Variants in USF2 observed in about 807,000 individuals in gnomAD.
USF2 encodes upstream transcription factor 2, c-fos interacting.
USF2 carries 16 observed loss-of-function variants against 46.9 expected under a neutral mutation model. That is an observed-to-expected ratio of 0.34 (90% confidence interval 0.23 to 0.52). The LOEUF (loss-of-function observed/expected upper bound fraction) is 0.52. Among genes scored for constraint, USF2 ranks in the 20% least tolerant of loss-of-function variants. The pLI, the probability that USF2 is intolerant of heterozygous loss-of-function variation, is 0.96. For missense variants in USF2, 411 were observed against 474.0 expected (o/e 0.87, Z 1.23); for synonymous variants, 239 against 194.1 (o/e 1.23, Z -1.92).
chr19:35,275,536 C>T (rs2066221871), intron 7 of USF2: 1 of 150,540 alleles, frequency 6.6e-6, no homozygotes, highest in Non-Finnish European at 1.5e-5. Context: ...CTTTGCTTAA[C>T]AACATTTAGA....
intron 7 of USF2, chr19:35,275,751 A>G (rs971030419): frequency 5.9e-5 from 9 of 152,040 alleles, no homozygotes; most frequent in African/African-American, 2.2e-4. Context: ...TAGTTCTGTT[A>G]TGGTCAGAGA....
At position 35,269,470 on chromosome 19, in the gene USF2, G is replaced by T. The variant is rs200773644; in HGVS notation, c.87G>T (p.Glu29Asp). The T allele has an allele frequency of 3.7e-4, 569 of 1,550,580 alleles. 1 individual carries two copies. Among genetic ancestry groups the T allele is most frequent in the Non-Finnish European group, 4.7e-4 (547 of 1,156,464 alleles). Residue 29 changes from glutamate (E) to aspartate (D), a missense_variant, in exon 2 of 10, where the codon GAG becomes GAT. This residue lies in a region of USF2 where 318 missense variants were observed against 322.4 expected (regional missense o/e 0.99). Coordinates refer to ENST00000222305, the MANE Select transcript of USF2 (RefSeq NM_003367.4). The stretch of plus-strand genomic sequence containing the variant: ...GCCACGACAAGGGACCCGAGGCGGA[G>T]GAGGGCGTCGAGCTGCAGGAAGGTG... ...AASHDKGPEA[E>D]EGVELQEGGD...
chr19:35,270,059 G>T, intron 4 of USF2, 56 bp downstream of exon 4: 1 of 1,349,930 alleles, frequency 7.4e-7, no homozygotes, highest in East Asian at 3.0e-5. Context: ...GGGGACACTG[G>T]CTCTGCTCTT....
At position 35,270,488 on chromosome 19, in the gene USF2, G is replaced by A. The variant is rs779738307; in HGVS notation, c.471G>A (p.Ala157=). The change falls in exon 5 of 10, where the codon GCG becomes GCA. Residue 157 remains alanine, a synonymous_variant. Transcript: ENST00000222305. Reference sequence around the variant, plus strand: ...CCTTCAGCAATGGTGGCAGTCCGGCGGCCGAGGCTGTCAGCGGGGAGGCAC... The same window carrying A: ...CCTTCAGCAATGGTGGCAGTCCGGCAGCCGAGGCTGTCAGCGGGGAGGCAC... ...QNPFSNGGSP[A]AEAVSGEARF... is the part of the protein sequence containing the mutation. 2.5e-6 allele frequency: 4 copies of A among 1,613,926 alleles called. No homozygotes were observed. Among genetic ancestry groups the A allele is most frequent in the Non-Finnish European group, 3.4e-6 (4 of 1,180,022 alleles).
At chr19:35,271,263 G>A in intron 7 of USF2, 122 bp downstream of exon 7, 2 of 1,148,162 alleles carry the variant, frequency 1.7e-6, no homozygotes, top group African/African-American at 1.6e-5. Context: ...GCTCCAGAGG[G>A]CTTTGCTGGA....
rs2066128138 is a variant in USF2 at position 35,270,119 on chromosome 19, G to A, written c.429+116G>A. The A allele has an allele frequency of 5.8e-6, 7 of 1,198,734 alleles. No individual in the cohort carries two copies. In the East Asian group the frequency reaches 1.8e-4, roughly 31 times the overall value. 74.3% of individuals were successfully genotyped at this position (1,198,734 alleles called of 1,614,324 possible). Reference sequence around the variant, plus strand: ...TGTCGCCCAGCGGATGCTGCCTTCAGGCCTCAGGCTGCATGGGGCCAGATC... The same window carrying A: ...TGTCGCCCAGCGGATGCTGCCTTCAAGCCTCAGGCTGCATGGGGCCAGATC... On this transcript the variant is annotated intron_variant, in intron 4 of 9. Transcript: ENST00000222305.
chr19:35,273,152 C>T (rs1158209387), intron 7 of USF2, among the ~76,000 whole-genome samples: 1 of 152,186 alleles, frequency 6.6e-6, no homozygotes, highest in Admixed American at 6.5e-5. Flanking sequence ...CCCACTTCTC[C>T]AGCTCCGTCC....
In USF2 at chr19:35,278,887, T is replaced by C. The variant is rs1287467166; in HGVS notation, c.823-59T>C. Reference sequence around the variant, plus strand: ...AGCCATGGGGCTCGGGAGTCATCCCTGGGGTGGAGGCCGGTGGGCGGTGCC... The same window carrying C: ...AGCCATGGGGCTCGGGAGTCATCCCCGGGGTGGAGGCCGGTGGGCGGTGCC... On this transcript the variant is annotated intron_variant, in intron 8 of 9. Transcript: ENST00000222305. The C allele has an allele frequency of 3.1e-6, 5 of 1,592,014 alleles. No homozygotes were observed. The East Asian group carries it at 6.7e-5, about 21-fold the overall frequency.
intron 6 of USF2, 131 bp from the exon 7 acceptor site, chr19:35,270,952 A>G (rs752262120): frequency 7.0e-7 from 1 of 1,425,464 alleles, no homozygotes; most frequent in East Asian, 2.3e-5. Context: ...GTGCACATAA[A>G]GTATCATGTC....
rs1432320211 is a variant in USF2 at position 35,271,118 on chromosome 19, G to A, written c.704G>A (p.Arg235Lys). Reference protein sequence around the residue: ...IDGTRTPRDERRRAQHNEVER... With the variant: ...IDGTRTPRDEKRRAQHNEVER... ...GGAACCAGAACACCCCGAGATGAGA[G>A]GAGAAGAGCCCAGCACAACGAAGGT... The change falls in exon 7 of 10, where the codon AGG becomes AAG. Residue 235 changes from arginine (R) to lysine (K), a missense_variant. Arg to Lys is a conservative substitution (Grantham distance 26). Around this residue, in one of 2 missense-constraint regions of USF2, gnomAD observed 318 missense variants for 322.4 expected, o/e 0.99. Transcript: ENST00000222305. The A allele has an allele frequency of 7.4e-6, 12 of 1,613,830 alleles. 1 individual carries two copies. The highest frequency in any genetic ancestry group is 3.3e-4 in the Middle Eastern group (2 of 6,084).
At chr19:35,278,603 C>A in intron 7 of USF2, 95 bp from the exon 8 acceptor site, 2 of 1,311,298 alleles carry the variant, frequency 1.5e-6, no homozygotes, top group Non-Finnish European at 2.2e-6. Flanking sequence ...CTGCACTGTT[C>A]CTGGGTGTCC....
chr19:35,269,261 C>A, intron 1 of USF2, 98 bp downstream of exon 1: 2 of 956,800 alleles, frequency 2.1e-6, no homozygotes, highest in South Asian at 4.7e-5. Flanking sequence ...CGGCCGCGGG[C>A]CCGGCTCAAA....
chr19:35,277,074 G>A (rs1408797426), intron 7 of USF2: 1 of 152,306 alleles, frequency 6.6e-6, no homozygotes, highest in Non-Finnish European at 1.5e-5. Flanking sequence ...CCCTGGGCGA[G>A]GAGCGCTCTG....
Position 35,269,101 on chromosome 19 carries a change from C to T in USF2, c.-1C>T, listed in dbSNP as rs1294399943. The T allele has an allele frequency of 6.5e-6, 1 of 153,898 alleles. No homozygotes were observed. The highest frequency in any genetic ancestry group is 7.0e-5 in the Admixed American group (1 of 14,250). 9.5% of individuals were successfully genotyped at this position (153,898 alleles called of 1,614,324 possible). A position where few individuals can be genotyped will look rare whatever the true frequency, so the allele number is the denominator to read the frequency against. On this transcript the variant is annotated 5_prime_UTR_variant, in exon 1 of 10. Transcript: ENST00000222305. ...GCGCCCCCCCCGCCCCCGCCCCCCC[C>T]ATGGACATGCTGGACCCGGGTCTGG...
At chr19:35,278,587 TG>T in intron 7 of USF2, 110 bp from the exon 8 acceptor site, 1 of 1,083,170 alleles carries the variant, frequency 9.2e-7, no homozygotes, top group Non-Finnish European at 1.4e-6. Context: ...GTGGTCTCGG[TG>T]GGGCCTGCAC....
In USF2 at chr19:35,270,510, G is replaced by T. The variant is rs372626837; in HGVS notation, c.493G>T (p.Ala165Ser). ...GGCGGCCGAGGCTGTCAGCGGGGAGGCACGATTTGCCTATTTCCCAGCGTC... is the reference window on the plus strand; with the variant it reads ...GGCGGCCGAGGCTGTCAGCGGGGAGTCACGATTTGCCTATTTCCCAGCGTC... The part of the protein sequence containing the change: ...SPAAEAVSGE[A>S]RFAYFPASSV... Residue 165 changes from alanine (A) to serine (S), a missense_variant, in exon 5 of 10, where the codon GCA becomes TCA. Coordinates refer to ENST00000222305, the MANE Select transcript of USF2 (RefSeq NM_003367.4). 1.9e-5 allele frequency: 31 copies of T among 1,614,034 alleles called. No homozygotes were observed. Among genetic ancestry groups the T allele is most frequent in the Non-Finnish European group, 2.6e-5 (31 of 1,180,022 alleles).
chr19:35,278,815 G>T (rs368321966), intron 8 of USF2, 23 bp downstream of exon 8: 48 of 1,613,530 alleles, frequency 3.0e-5, no homozygotes, highest in Non-Finnish European at 3.8e-5. Context: ...GACCCTCAGT[G>T]TCTGCGGTGG....
chr19:35,270,918 TC>T (rs2066144728), intron 6 of USF2, 113 bp downstream of exon 6: 9 of 1,469,376 alleles, frequency 6.1e-6, no homozygotes, highest in African/African-American at 5.6e-5. Flanking sequence ...ATGTTTTTTT[TC>T]TTTGCCTGTT....
chr19:35,278,587 T>C, intron 7 of USF2, 111 bp from the exon 8 acceptor site: 1 of 1,083,174 alleles, frequency 9.2e-7, no homozygotes. Flanking sequence ...GTGGTCTCGG[T>C]GGGGCCTGCA....
Sources: allele counts gnomAD v4.1 joint callset (sites outside exome capture counted in the v4.1 genomes callset), GRCh38; gene constraint gnomAD v4.1.1; regional missense constraint gnomAD v4.1.1; transcripts MANE v1.5; gene names NCBI Gene and HGNC (gene_info 2026-07-23, HGNC 2026-07-21).